Variants in GBE1 observed in about 807,000 individuals in gnomAD.
GBE1 encodes the protein 1,4-alpha-glucan branching enzyme 1.
In GBE1, 70 loss-of-function variants were observed where a neutral mutation model predicts 88.8. That is an observed-to-expected ratio of 0.79 (90% confidence interval 0.65 to 0.96). The LOEUF (loss-of-function observed/expected upper bound fraction) is 0.96, where lower values mean the gene tolerates loss of function less well. Ranked by LOEUF, GBE1 falls within the 40% of genes least tolerant of loss-of-function variation. The pLI, the probability that GBE1 is intolerant of heterozygous loss-of-function variation, is 0.00. For missense variants in GBE1, 872 were observed against 871.0 expected (o/e 1.00, Z -0.01); for synonymous variants, 284 against 300.1 (o/e 0.95, Z 0.56).
At chr3:81,653,593 T>C (rs931733522) in intron 3 of GBE1, among the ~76,000 whole-genome samples, 11 of 152,142 alleles carry the variant, frequency 7.2e-5, no homozygotes, top group East Asian at 1.9e-4. Context: ...CAAAAAACAA[T>C]AGCCTTGTCT....
Position 81,712,103 on chromosome 3 carries a change from T to C in GBE1, c.144-6490A>G, listed in dbSNP as rs1705876411. ...AATGCAAATCAAAACCAAAATGAGATACCAGCTCACACCAGTTACAATGGC... is the reference window on the plus strand; with the variant it reads ...AATGCAAATCAAAACCAAAATGAGACACCAGCTCACACCAGTTACAATGGC... On this transcript the variant is annotated intron_variant, in intron 1 of 15. Transcript: ENST00000429644. Among the ~76,000 whole-genome samples the C allele has an allele frequency of 3.9e-5, 6 of 152,142 alleles. No individual in the cohort carries two copies. The South Asian group carries it at 1.2e-3, about 32-fold the overall frequency.
intron 2 of GBE1, among the ~76,000 whole-genome samples, chr3:81,704,239 C>T (rs150020410): frequency 2.4e-3 from 363 of 151,948 alleles, no homozygotes; most frequent in African/African-American, 8.3e-3. Flanking sequence ...TTCTGAATTA[C>T]GTAAGTGGCT....
At chr3:81,500,899 T>C (rs1702577637) in intron 14 of GBE1, among the ~76,000 whole-genome samples, 1 of 152,180 alleles carries the variant, frequency 6.6e-6, no homozygotes, top group African/African-American at 2.4e-5. Context: ...AGTGAGAACA[T>C]GAGGTATTTG....
intron 12 of GBE1, among the ~76,000 whole-genome samples, chr3:81,558,073 T>C (rs1703371623): frequency 6.6e-6 from 1 of 151,948 alleles, no homozygotes; most frequent in Admixed American, 6.6e-5. Context: ...AACTATATAA[T>C]GAAGTTTGGC....
intron 1 of GBE1, among the ~76,000 whole-genome samples, chr3:81,722,908 A>ATG (rs1706054480): frequency 6.9e-6 from 1 of 144,300 alleles, no homozygotes; most frequent in South Asian, 2.1e-4. Flanking sequence ...ATATATATAT[A>ATG]TATATATACA....
At chr3:81,687,849 G>A (rs1212486006) in intron 2 of GBE1, among the ~76,000 whole-genome samples, 2 of 152,174 alleles carry the variant, frequency 1.3e-5, no homozygotes, top group East Asian at 1.9e-4. Flanking sequence ...ACAAAACATC[G>A]TAGATCGAGA....
intron 12 of GBE1, among the ~76,000 whole-genome samples, chr3:81,568,741 T>C (rs1703531337): frequency 6.6e-6 from 1 of 152,154 alleles, no homozygotes; most frequent in African/African-American, 2.4e-5. Flanking sequence ...ACTTAAAAAA[T>C]ATTGTGTGTC....
intron 3 of GBE1, among the ~76,000 whole-genome samples, chr3:81,652,302 G>C (rs1357283160): frequency 1.3e-5 from 2 of 152,204 alleles, no homozygotes; most frequent in Non-Finnish European, 2.9e-5. Context: ...ATTGTTCTCT[G>C]TTCTAGGAGT....
chr3:81,719,960 G>A (rs949416465), intron 1 of GBE1, among the ~76,000 whole-genome samples: 6 of 151,996 alleles, frequency 3.9e-5, no homozygotes, highest in African/African-American at 1.2e-4. Flanking sequence ...TTAGGAACAG[G>A]ATAAATGAAT....
chr3:81,698,309 T>C (rs527427004), intron 2 of GBE1, among the ~76,000 whole-genome samples: 1 of 151,936 alleles, frequency 6.6e-6, no homozygotes, highest in African/African-American at 2.4e-5. Context: ...AAAACCTAAA[T>C]AGAAATATAC....
chr3:81,612,910 T>A, intron 7 of GBE1: 1 of 390,022 alleles, frequency 2.6e-6, no homozygotes, highest in Non-Finnish European at 4.9e-6. Context: ...GTTCCTGATA[T>A]GGATGATGAA....
intron 7 of GBE1, among the ~76,000 whole-genome samples, chr3:81,606,087 G>A (rs2106979230): frequency 6.6e-6 from 1 of 152,148 alleles, no homozygotes; most frequent in African/African-American, 2.4e-5. Context: ...TGGAGTAAAA[G>A]GCAAACTGAT....
chr3:81,511,593 T>A (rs1702725975), intron 14 of GBE1, among the ~76,000 whole-genome samples: 1 of 151,820 alleles, frequency 6.6e-6, no homozygotes, highest in Non-Finnish European at 1.5e-5. Context: ...ATGCTCAACA[T>A]CACTAATTAT....
chr3:81,560,787 C>G (rs570884583), intron 12 of GBE1, among the ~76,000 whole-genome samples: 1 of 151,890 alleles, frequency 6.6e-6, no homozygotes, highest in Non-Finnish European at 1.5e-5. Context: ...TTCTCTTATG[C>G]TATAAAATTC....
chr3:81,539,789 GT>G (rs1703120881), intron 12 of GBE1, among the ~76,000 whole-genome samples: 1 of 152,034 alleles, frequency 6.6e-6, no homozygotes, highest in Non-Finnish European at 1.5e-5. Flanking sequence ...GTGACAGAAA[GT>G]TTGGGGTAAG....
chr3:81,595,983 TTACACA>T lies in GBE1; in HGVS notation c.993-1966_993-1961del, dbSNP rs1302048070. On this transcript the variant is annotated intron_variant, in intron 7 of 15. Transcript: ENST00000429644. Reference sequence around the variant, plus strand: ...TATTCTTCAGATCTCTGAAATACTCTTACACATTGTCTGAAAATCATAAAGTCTTTT... The same window carrying T: ...TATTCTTCAGATCTCTGAAATACTCTTTGTCTGAAAATCATAAAGTCTTTT... 3.6e-4 allele frequency among the ~76,000 whole-genome samples: 54 copies of T among 152,070 alleles called. 1 individual carries two copies. Among genetic ancestry groups the T allele is most frequent in the Admixed American group, 3.5e-3 (54 of 15,266 alleles).
chr3:81,748,590 G>A (rs1706451644), intron 1 of GBE1, among the ~76,000 whole-genome samples: 1 of 151,952 alleles, frequency 6.6e-6, no homozygotes, highest in Admixed American at 6.6e-5. Flanking sequence ...CAGCCTGGGT[G>A]ATAGAGCAAG....
At chr3:81,671,794 C>A (rs1705194715) in intron 2 of GBE1, among the ~76,000 whole-genome samples, 1 of 151,850 alleles carries the variant, frequency 6.6e-6, no homozygotes, top group South Asian at 2.1e-4. Context: ...AACTATAAAA[C>A]TTTTAAGACT....
chr3:81,621,267 T>C (rs933741663), intron 7 of GBE1, among the ~76,000 whole-genome samples: 3 of 152,220 alleles, frequency 2.0e-5, no homozygotes, highest in Non-Finnish European at 4.4e-5. Flanking sequence ...CTTATAATTA[T>C]ACCTCCTGCT....
Sources: allele counts gnomAD v4.1 joint callset (sites outside exome capture counted in the v4.1 genomes callset), GRCh38; gene constraint gnomAD v4.1.1; transcripts MANE v1.5; gene names NCBI Gene and HGNC (gene_info 2026-07-23, HGNC 2026-07-21).